CRIM1: variants seen among roughly 807,000 people sequenced by gnomAD.
The protein encoded by CRIM1 is cysteine-rich motor neuron 1 protein.
CRIM1 carries 32 observed loss-of-function variants against 116.4 expected under a neutral mutation model. The observed-to-expected ratio is 0.27, with a 90% CI of 0.21 to 0.37. The LOEUF (loss-of-function observed/expected upper bound fraction) is 0.37, where lower values mean the gene tolerates loss of function less well. Ranked by LOEUF, CRIM1 falls within the 10% of genes least tolerant of loss-of-function variation. The probability of loss-of-function intolerance (pLI) is 1.00; values close to 1 mark genes in which losing one functional copy is unlikely to be tolerated. For synonymous variants in CRIM1, 590 were observed against 509.2 expected, an observed-to-expected ratio of 1.16 and a Z score of -2.13; for missense variants, 1,331 against 1,354.8, an observed-to-expected ratio of 0.98 and a Z score of 0.28.
At chr2:36,527,430 T>A (rs544269479) in intron 13 of CRIM1, among the ~76,000 whole-genome samples, 2 of 152,164 alleles carry the variant, frequency 1.3e-5, no homozygotes, top group Non-Finnish European at 2.9e-5. Context: ...ATATTCGAAG[T>A]GGGACTTTGC....
chr2:36,356,213 C>CGGA lies in CRIM1; in HGVS notation c.-79_-78insGAG. 1.5e-6 allele frequency: 1 copy of CGGA among 656,160 alleles called. No homozygotes were observed. The highest frequency in any genetic ancestry group is 2.1e-6 in the Non-Finnish European group (1 of 473,112). 40.6% of individuals were successfully genotyped at this position (656,160 alleles called of 1,614,324 possible). Reference sequence around the variant, plus strand: ...CGGGCTGCTGGTGCGGCGGCGGCGGCGCGTGTGCCCCGCGCAGGGGAGGGC... The same window carrying CGGA: ...CGGGCTGCTGGTGCGGCGGCGGCGGCGGAGCGTGTGCCCCGCGCAGGGGAGGGC... On this transcript the variant is annotated 5_prime_UTR_variant, in exon 1 of 17. Coordinates refer to ENST00000280527, the MANE Select transcript of CRIM1 (RefSeq NM_016441.3). The surrounding 1 kb of genome is among the most constrained non-coding windows in gnomAD (Gnocchi z 4.3).
intron 1 of CRIM1, among the ~76,000 whole-genome samples, chr2:36,373,895 G>C (rs1314779859): frequency 1.3e-5 from 2 of 152,110 alleles, no homozygotes; most frequent in Admixed American, 1.3e-4. Flanking sequence ...AACTGAAGCT[G>C]TTAGGTTCTG....
chr2:36,479,441 C>G (rs998774131), intron 6 of CRIM1, 56 bp from the exon 7 acceptor site: 1 of 1,556,238 alleles, frequency 6.4e-7, no homozygotes, highest in Non-Finnish European at 8.9e-7. Context: ...TGGGTACTGA[C>G]AGAGATAAGA....
intron 14 of CRIM1, among the ~76,000 whole-genome samples, chr2:36,538,294 C>G (rs1032901362): frequency 6.6e-6 from 1 of 152,140 alleles, no homozygotes; most frequent in Non-Finnish European, 1.5e-5. Context: ...TGCGTCTAAT[C>G]CCAGAAATGT....
At chr2:36,365,969 G>C (rs748308693) in intron 1 of CRIM1, among the ~76,000 whole-genome samples, 1 of 152,124 alleles carries the variant, frequency 6.6e-6, no homozygotes, top group Middle Eastern at 3.2e-3. Flanking sequence ...CTCGTGATCT[G>C]CCCACCTTGG....
chr2:36,491,594 G>A (rs768709608), intron 7 of CRIM1, among the ~76,000 whole-genome samples: 20 of 152,206 alleles, frequency 1.3e-4, no homozygotes, highest in African/African-American at 4.3e-4. Flanking sequence ...GATGTCTTTC[G>A]TTTTCCCGTT....
chr2:36,534,831 T>G (rs952576305), intron 13 of CRIM1, among the ~76,000 whole-genome samples: 3 of 152,052 alleles, frequency 2.0e-5, no homozygotes, highest in African/African-American at 7.2e-5. Context: ...ATGAGGAGTT[T>G]TACCTCCTGT....
At chr2:36,429,998 C>T (rs556915689) in intron 2 of CRIM1, among the ~76,000 whole-genome samples, 10 of 152,310 alleles carry the variant, frequency 6.6e-5, no homozygotes, top group African/African-American at 2.4e-4. Context: ...CATGATGCTG[C>T]TGAAAGGAGT....
At chr2:36,396,877 A>T (rs1558537570) in intron 2 of CRIM1, 90 bp downstream of exon 2, 2 of 1,139,436 alleles carry the variant, frequency 1.8e-6, no homozygotes, top group Non-Finnish European at 2.5e-6. Context: ...GAAAAGGCAA[A>T]GACAAGTTTA....
intron 5 of CRIM1, among the ~76,000 whole-genome samples, chr2:36,470,817 G>A (rs1401387459): frequency 2.6e-5 from 4 of 152,152 alleles, no homozygotes; most frequent in Non-Finnish European, 4.4e-5. Flanking sequence ...ATTAGCTGCT[G>A]TAGATAGTCA....
intron 13 of CRIM1, among the ~76,000 whole-genome samples, chr2:36,535,760 G>A (rs1325724305): frequency 1.3e-5 from 2 of 152,166 alleles, no homozygotes; most frequent in African/African-American, 4.8e-5. Context: ...ATATGCTTGA[G>A]TATTGTCTGC....
At chr2:36,522,648 A>G (rs565769116) in intron 13 of CRIM1, among the ~76,000 whole-genome samples, 27 of 152,028 alleles carry the variant, frequency 1.8e-4, no homozygotes, top group African/African-American at 6.5e-4. Flanking sequence ...CCAAAAATAC[A>G]GAAATTAGCT....
chr2:36,477,040 G>T lies in CRIM1; in HGVS notation c.1143G>T (p.Val381=). The change falls in exon 6 of 17, where the codon GTG becomes GTT. Residue 381 remains valine (V), a synonymous_variant. Transcript: ENST00000280527. ...AGATAAACTGCGAGAGGTACTACGTGCCCGAAGGAGAGTGCTGCCCAGTGT... is the reference window on the plus strand; with the variant it reads ...AGATAAACTGCGAGAGGTACTACGTTCCCGAAGGAGAGTGCTGCCCAGTGT... ...CGEINCERYY[V]PEGECCPVCE... 6.2e-7 allele frequency: 1 copy of T among 1,613,684 alleles called. No homozygotes were observed. The highest frequency in any genetic ancestry group is 8.5e-7 in the Non-Finnish European group (1 of 1,179,834).
At position 36,544,528 on chromosome 2, in the gene CRIM1, A is replaced by G. The variant is rs767676494; in HGVS notation, c.2746+30A>G. 9.1e-6 allele frequency: 12 copies of G among 1,319,526 alleles called. No homozygotes were observed. In the East Asian group the frequency reaches 2.2e-4, roughly 25 times the overall value. 81.7% of individuals were successfully genotyped at this position (1,319,526 alleles called of 1,614,324 possible). The stretch of plus-strand genomic sequence containing the variant: ...GCATTGAAGGCAGCTGAGATCTGCT[A>G]GTTTTCTATGTGGTCTACTTAGGTG... On this transcript the variant is annotated intron_variant, in intron 15 of 16. Coordinates refer to ENST00000280527, the MANE Select transcript of CRIM1 (RefSeq NM_016441.3).
intron 2 of CRIM1, among the ~76,000 whole-genome samples, chr2:36,439,870 T>C (rs961392812): frequency 2.6e-5 from 4 of 152,172 alleles, no homozygotes; most frequent in African/African-American, 9.7e-5. Context: ...TCCACCACCA[T>C]ATCAACTAAC....
chr2:36,430,065 A>C (rs1403674709), intron 2 of CRIM1, among the ~76,000 whole-genome samples: 1 of 152,210 alleles, frequency 6.6e-6, no homozygotes, highest in East Asian at 1.9e-4. Flanking sequence ...TTAGGCTTCC[A>C]TTCCAGCACA....
Position 36,375,226 on chromosome 2 carries a change from G to A in CRIM1, c.331+18603G>A, listed in dbSNP as rs892119504. Among the ~76,000 whole-genome samples the A allele has an allele frequency of 2.6e-5, 4 of 152,134 alleles. No homozygotes were observed. In the South Asian group the frequency reaches 6.2e-4, roughly 24 times the overall value. On this transcript the variant is annotated intron_variant, in intron 1 of 16. Coordinates refer to ENST00000280527, the MANE Select transcript of CRIM1 (RefSeq NM_016441.3). ...ATAAATTAAAACCAGAGGGCTAGACGTTATCCAGCAAGGGACCTACAAAAT... is the reference window on the plus strand; with the variant it reads ...ATAAATTAAAACCAGAGGGCTAGACATTATCCAGCAAGGGACCTACAAAAT...
At chr2:36,402,813 G>A (rs1352262273) in intron 2 of CRIM1, among the ~76,000 whole-genome samples, 1 of 151,576 alleles carries the variant, frequency 6.6e-6, no homozygotes, top group Non-Finnish European at 1.5e-5. Flanking sequence ...TCTTCGATGT[G>A]GAGTTTAAGC....
At chr2:36,383,770 A>G (rs539376996) in intron 1 of CRIM1, among the ~76,000 whole-genome samples, 1 of 152,292 alleles carries the variant, frequency 6.6e-6, no homozygotes, top group South Asian at 2.1e-4. Flanking sequence ...TGGGCACACT[A>G]TGGTAGTAGC....
Sources: allele counts gnomAD v4.1 joint callset (sites outside exome capture counted in the v4.1 genomes callset), GRCh38; gene constraint gnomAD v4.1.1; non-coding constraint Gnocchi (gnomAD v3.1); transcripts MANE v1.5; gene names NCBI Gene and HGNC (gene_info 2026-07-23, HGNC 2026-07-21).